Variants in GPHN observed in about 807,000 individuals in gnomAD.
GPHN encodes the protein gephyrin.
In GPHN, 17 loss-of-function variants were observed where a neutral mutation model predicts 95.5. The observed-to-expected ratio is 0.18, with a 90% CI of 0.12 to 0.27. The LOEUF is 0.27. Ranked by LOEUF, GPHN falls within the 10% of genes least tolerant of loss-of-function variation. The pLI, the probability that GPHN is intolerant of heterozygous loss-of-function variation, is 1.00. For missense variants in GPHN, 660 were observed against 978.1 expected (o/e 0.67, Z 4.34); for synonymous variants, 320 against 322.5 (o/e 0.99, Z 0.08).
intron 1 of GPHN, among the ~76,000 whole-genome samples, chr14:66,560,885 A>C (rs2060203682): frequency 6.6e-6 from 1 of 152,192 alleles, no homozygotes; most frequent in Non-Finnish European, 1.5e-5. Context: ...GGTTTGTCAT[A>C]GATAGCTCTT....
rs116600925 is a variant in GPHN at position 67,145,440 on chromosome 14, C to T, written c.1836+1991C>T. On this transcript the variant is annotated intron_variant, in intron 18 of 22. Coordinates refer to ENST00000478722, the MANE Select transcript of GPHN (RefSeq NM_020806.5). ...AGTAAACAAAGCCAATATAGTTAAG[C>T]ATATTGGTTTTATTTTTTTTACTCT... is the stretch of plus-strand genomic sequence containing the variant. Among the ~76,000 whole-genome samples the T allele has an allele frequency of 1.8e-3, 278 of 152,194 alleles. 2 individuals carry two copies. The highest frequency in any genetic ancestry group is 6.6e-3 in the African/African-American group (274 of 41,526).
chr14:67,208,109 T>G, the GPHN span: 19 of 1,531,386 alleles, frequency 1.2e-5, no homozygotes, highest in Admixed American at 1.6e-4. Context: ...TGACGATGAA[T>G]GAAATGGTGC....
At chr14:66,548,860 A>T (rs1329894072) in intron 1 of GPHN, among the ~76,000 whole-genome samples, 2 of 152,250 alleles carry the variant, frequency 1.3e-5, no homozygotes, top group African/African-American at 4.8e-5. Flanking sequence ...TTTAAAAAAT[A>T]GCAGAGAACA....
chr14:67,491,356 G>A, the GPHN span, among the ~76,000 whole-genome samples: 2 of 152,046 alleles, frequency 1.3e-5, no homozygotes, highest in African/African-American at 4.8e-5. Flanking sequence ...CACCTTTCTT[G>A]GAGGTTGGAG....
chr14:67,701,425 C>CTTTTTTT, the GPHN span, among the ~76,000 whole-genome samples: 3 of 71,146 alleles, frequency 4.2e-5, no homozygotes, highest in Non-Finnish European at 5.7e-5. Context: ...ATTATAATTT[C>CTTTTTTT]TTTTTTTTTT....
the GPHN span, among the ~76,000 whole-genome samples, chr14:67,625,792 G>A: frequency 1.4e-5 from 2 of 146,290 alleles, no homozygotes; most frequent in Non-Finnish European, 3.0e-5. Context: ...CAAAATATTT[G>A]CAAATCATAT....
the GPHN span, among the ~76,000 whole-genome samples, chr14:67,284,454 ATGGTGGTATGCTTCTGTAGTCCCAGC>A: frequency 4.6e-5 from 6 of 129,746 alleles, no homozygotes; most frequent in East Asian, 5.1e-4. Flanking sequence ...ACAGCTGGGC[ATGGTGGTATGCTTCTGTAGTCCCAGC>A]ATACTAGGGA....
intron 3 of GPHN, among the ~76,000 whole-genome samples, chr14:66,807,457 TG>T (rs1423956362): frequency 6.6e-6 from 1 of 152,232 alleles, no homozygotes; most frequent in African/African-American, 2.4e-5. Context: ...ACCTACAGTC[TG>T]GGTTCTTCTA....
intron 8 of GPHN, among the ~76,000 whole-genome samples, chr14:66,950,606 T>C (rs2068044780): frequency 6.6e-6 from 1 of 152,228 alleles, no homozygotes. Context: ...CGAGACACTG[T>C]ATTCATTCCT....
At chr14:67,179,869 T>A (rs1365701821) in intron 22 of GPHN, among the ~76,000 whole-genome samples, 195 bp downstream of exon 22, 1 of 152,258 alleles carries the variant, frequency 6.6e-6, no homozygotes, top group East Asian at 1.9e-4. Flanking sequence ...ACTTATTTTA[T>A]TGAGCCATAT....
chr14:66,626,523 CTT>C (rs1389236338), intron 1 of GPHN, among the ~76,000 whole-genome samples: 1 of 151,956 alleles, frequency 6.6e-6, no homozygotes, highest in Non-Finnish European at 1.5e-5. Context: ...AAGAAGATAA[CTT>C]AATATTTTGA....
At chr14:67,734,760 G>C in the GPHN span, among the ~76,000 whole-genome samples, 2 of 152,194 alleles carry the variant, frequency 1.3e-5, no homozygotes, top group African/African-American at 4.8e-5. Context: ...GGAAATTTGA[G>C]TGCTGACGGA....
intron 9 of GPHN, among the ~76,000 whole-genome samples, chr14:67,002,778 T>C (rs2072325224): frequency 6.6e-6 from 1 of 151,574 alleles, no homozygotes. Context: ...AAATATTAAC[T>C]ATATTATTAT....
the GPHN span, chr14:67,487,313 C>A: frequency 6.6e-6 from 1 of 152,578 alleles, no homozygotes; most frequent in South Asian, 2.1e-4. Flanking sequence ...CGGAACCTAC[C>A]CCCTCCTCTT....
chr14:66,894,219 C>A (rs1342671993), intron 5 of GPHN, among the ~76,000 whole-genome samples: 5 of 152,172 alleles, frequency 3.3e-5, no homozygotes, highest in African/African-American at 1.2e-4. Context: ...ACATCTACCA[C>A]TATCTGATCC....
At chr14:67,619,708 G>T in the GPHN span, 1 of 366,700 alleles carries the variant, frequency 2.7e-6, no homozygotes, top group Admixed American at 4.9e-5. Flanking sequence ...GTCAGCGGCA[G>T]GGGCATGTCC....
the GPHN span, chr14:67,588,891 A>G: frequency 2.0e-5 from 3 of 152,762 alleles, no homozygotes; most frequent in African/African-American, 7.2e-5. Flanking sequence ...ATGAAAAAAG[A>G]AGCACATCCA....
intron 3 of GPHN, among the ~76,000 whole-genome samples, chr14:66,782,901 G>T (rs10144919): frequency 0.3 from 45,003 of 151,950 alleles, 10,741 homozygotes; most frequent in African/African-American, 0.63. Flanking sequence ...AAAGAAGAAG[G>T]CAGACTACCT....
intron 8 of GPHN, among the ~76,000 whole-genome samples, chr14:66,929,986 C>T (rs1001268580): frequency 2.8e-4 from 42 of 152,278 alleles, no homozygotes; most frequent in Non-Finnish European, 5.3e-4. Context: ...CCTGGGATTA[C>T]AGGCGTGAGC....
Sources: allele counts gnomAD v4.1 joint callset (sites outside exome capture counted in the v4.1 genomes callset), GRCh38; gene constraint gnomAD v4.1.1; transcripts MANE v1.5; gene names NCBI Gene and HGNC (gene_info 2026-07-23, HGNC 2026-07-21).